Variants in OPCML observed in about 807,000 individuals in gnomAD.
OPCML encodes the protein opioid binding protein/cell adhesion molecule like, also known as opioid-binding protein/cell adhesion molecule.
A neutral mutation model predicts 37.8 loss-of-function variants in OPCML; 13 were observed. The ratio of observed to expected loss-of-function variants is 0.34; its 90% CI spans 0.22 to 0.55. The LOEUF is 0.55. Among genes scored for constraint, OPCML ranks in the 20% least tolerant of loss-of-function variants. The pLI is 0.91. For missense variants in OPCML, 341 were observed against 435.6 expected (o/e 0.78, Z 1.93); for synonymous variants, 176 against 168.8 (o/e 1.04, Z -0.33).
At chr11:133,428,953 G>A (rs1228370473) in intron 1 of OPCML, among the ~76,000 whole-genome samples, 5 of 152,164 alleles carry the variant, frequency 3.3e-5, no homozygotes, top group African/African-American at 1.2e-4. Flanking sequence ...CAAAATCTTA[G>A]TGATTCAATC....
intron 2 of OPCML, among the ~76,000 whole-genome samples, chr11:132,783,793 C>G (rs1165477953): frequency 6.6e-6 from 1 of 152,148 alleles, no homozygotes; most frequent in African/African-American, 2.4e-5. Context: ...TACAACCTTA[C>G]CCTAGACCTC....
At chr11:132,689,627 G>A (rs937073752) in intron 2 of OPCML, among the ~76,000 whole-genome samples, 5 of 152,184 alleles carry the variant, frequency 3.3e-5, no homozygotes, top group African/African-American at 7.2e-5. Context: ...AGGTAGAGAC[G>A]AGGTGTCATG....
chr11:132,864,140 G>A (rs1006280634), intron 2 of OPCML, among the ~76,000 whole-genome samples: 12 of 151,932 alleles, frequency 7.9e-5, no homozygotes, highest in African/African-American at 2.7e-4. Flanking sequence ...GTTTCACCAT[G>A]TTGGCCAGGC....
intron 4 of OPCML, among the ~76,000 whole-genome samples, chr11:132,500,895 T>A (rs1412175973): frequency 6.6e-6 from 1 of 152,230 alleles, no homozygotes; most frequent in Admixed American, 6.5e-5. Flanking sequence ...TATTCTTTTT[T>A]ATGGCTGCAT....
intron 1 of OPCML, chr11:133,004,680 C>T: frequency 1.0e-6 from 1 of 985,450 alleles, no homozygotes; most frequent in Non-Finnish European, 1.2e-6. Context: ...TGCCCTCGCT[C>T]TCCTTCAGGG....
At chr11:132,922,493 G>A (rs187228932) in intron 2 of OPCML, among the ~76,000 whole-genome samples, 115 of 152,126 alleles carry the variant, frequency 7.6e-4, no homozygotes, top group African/African-American at 2.5e-3. Flanking sequence ...ACGGAGCACC[G>A]AGACCAGGAG....
chr11:132,962,188 C>T (rs1946106792), intron 1 of OPCML, among the ~76,000 whole-genome samples: 1 of 152,226 alleles, frequency 6.6e-6, no homozygotes, highest in Non-Finnish European at 1.5e-5. Context: ...TAACTGGATG[C>T]TTGTAACACT....
intron 2 of OPCML, among the ~76,000 whole-genome samples, chr11:132,865,395 C>A (rs78587035): frequency 0.01 from 1,578 of 152,238 alleles, 29 homozygotes; most frequent in African/African-American, 0.036. Context: ...ACTGTAAAAA[C>A]TCCATGAAAA....
intron 2 of OPCML, among the ~76,000 whole-genome samples, chr11:132,774,330 CA>C (rs1379523581): frequency 6.6e-6 from 1 of 152,224 alleles, no homozygotes; most frequent in Non-Finnish European, 1.5e-5. Flanking sequence ...TGCATTAAAT[CA>C]TATTCTAATG....
At chr11:132,910,139 C>T (rs11223275) in intron 2 of OPCML, among the ~76,000 whole-genome samples, 22,603 of 152,246 alleles carry the variant, frequency 0.15, 2,205 homozygotes, top group Non-Finnish European at 0.22. Context: ...CTGAGCACTG[C>T]TTTCAATAAG....
At chr11:132,496,112 A>T (rs2096230390) in intron 4 of OPCML, among the ~76,000 whole-genome samples, 1 of 152,082 alleles carries the variant, frequency 6.6e-6, no homozygotes, top group African/African-American at 2.4e-5. Context: ...ACAAATCTGA[A>T]TTCCCCCCAC....
chr11:132,800,394 ATGTT>A (rs955377476), intron 2 of OPCML, among the ~76,000 whole-genome samples: 4 of 152,104 alleles, frequency 2.6e-5, no homozygotes, highest in Non-Finnish European at 5.9e-5. Flanking sequence ...AAATTTGTTT[ATGTT>A]TGTTTGTTTG....
chr11:132,644,025 T>C (rs1445835718), intron 3 of OPCML, among the ~76,000 whole-genome samples: 1 of 152,182 alleles, frequency 6.6e-6, no homozygotes, highest in Admixed American at 6.5e-5. Flanking sequence ...ACACTCTAAG[T>C]TCTATTTAAA....
At chr11:132,670,482 C>G (rs1369211857) in intron 2 of OPCML, among the ~76,000 whole-genome samples, 1 of 152,090 alleles carries the variant, frequency 6.6e-6, no homozygotes. Flanking sequence ...CCCAGAACTG[C>G]TAAAGGACTG....
At chr11:133,191,078 G>A (rs879075384) in intron 1 of OPCML, among the ~76,000 whole-genome samples, 1 of 151,666 alleles carries the variant, frequency 6.6e-6, no homozygotes, top group African/African-American at 2.4e-5. Flanking sequence ...TTTTGAAAAC[G>A]GCTGTACCAT....
At chr11:133,448,920 C>G (rs969713535) in intron 1 of OPCML, among the ~76,000 whole-genome samples, 1 of 152,182 alleles carries the variant, frequency 6.6e-6, no homozygotes, top group Non-Finnish European at 1.5e-5. Context: ...AATTTGTAAT[C>G]TATTAACACA....
intron 2 of OPCML, among the ~76,000 whole-genome samples, chr11:132,732,750 A>G (rs900292030): frequency 6.6e-6 from 1 of 152,164 alleles, no homozygotes; most frequent in Non-Finnish European, 1.5e-5. Context: ...GAGACAGAGA[A>G]CAATTGAACT....
At chr11:133,365,925 C>T (rs1231569045) in intron 1 of OPCML, 2 of 152,216 alleles carry the variant, frequency 1.3e-5, no homozygotes, top group African/African-American at 4.8e-5. Context: ...TCCACAGCTG[C>T]AAAGGATGCT....
intron 1 of OPCML, among the ~76,000 whole-genome samples, chr11:133,145,110 G>A (rs1188686886): frequency 1.3e-5 from 2 of 152,116 alleles, no homozygotes; most frequent in Non-Finnish European, 2.9e-5. Context: ...AATATGCTTT[G>A]GACTTATCAT....
Sources: gnomAD v4.1 joint callset for allele counts (sites outside exome capture counted in the v4.1 genomes callset) on GRCh38, gnomAD v4.1.1 for gene constraint, MANE v1.5 for transcripts, NCBI Gene and HGNC (gene_info 2026-07-23, HGNC 2026-07-21) for gene names.